Variants in BCL2L14 observed in about 807,000 individuals in gnomAD.
BCL2L14 encodes apoptosis facilitator Bcl-2-like protein 14.
A neutral mutation model predicts 35.3 loss-of-function variants in BCL2L14; 27 were observed. The ratio of observed to expected loss-of-function variants is 0.76; its 90% CI spans 0.56 to 1.05. The LOEUF is 1.05. BCL2L14 is among the 50% of genes least tolerant of loss of function. BCL2L14 has a pLI of 0.00. For synonymous variants in BCL2L14, 139 were observed against 145.9 expected, an observed-to-expected ratio of 0.95 and a Z score of 0.34; for missense variants, 377 against 382.6, an observed-to-expected ratio of 0.99 and a Z score of 0.12.
At chr12:12,085,554 G>A (rs780780060) in intron 2 of BCL2L14, among the ~76,000 whole-genome samples, 13 of 152,162 alleles carry the variant, frequency 8.5e-5, no homozygotes, top group Non-Finnish European at 1.3e-4. Context: ...TCTTCTCTCC[G>A]TCATTCGCTT....
chr12:12,055,502 C>T (rs983707630), intron 2 of BCL2L14: 3 of 152,148 alleles, frequency 2.0e-5, no homozygotes, highest in African/African-American at 7.2e-5. Flanking sequence ...TTTTGAGACC[C>T]GCCAACTTGC....
At chr12:12,065,210 C>A (rs937529059) in intron 2 of BCL2L14, among the ~76,000 whole-genome samples, 1 of 152,014 alleles carries the variant, frequency 6.6e-6, no homozygotes, top group Non-Finnish European at 1.5e-5. Context: ...TATAGAGCAC[C>A]TTTTAAAAAA....
chr12:12,066,726 T>A (rs938510355), upstream of BCL2L14, among the ~76,000 whole-genome samples: 120 of 151,862 alleles, frequency 7.9e-4, 1 homozygote, highest in African/African-American at 2.7e-3. Context: ...TTTTTTTTTT[T>A]TTTTTTTGAG....
chr12:12,073,122 C>T (rs1948703221), intron 1 of BCL2L14, among the ~76,000 whole-genome samples: 1 of 152,246 alleles, frequency 6.6e-6, no homozygotes, highest in South Asian at 2.1e-4. Context: ...CGATCCTGCT[C>T]CCTGGGCCTC....
intron 2 of BCL2L14, among the ~76,000 whole-genome samples, chr12:12,085,159 T>A (rs957963213): frequency 8.6e-5 from 13 of 151,678 alleles, no homozygotes; most frequent in Admixed American, 7.9e-4. Context: ...CTGTTGGTGA[T>A]CTTGTGGCCA....
rs59599134 is a variant in BCL2L14, at chr12:12,079,313, G to T, written c.8G>T (p.Ser3Ile). MCSTSGCDLEEIP... is the reference protein window; with the variant it reads MCITSGCDLEEIP... Reference sequence around the variant, plus strand: ...TGTTGTTACAGGCCCAACATGTGTAGCACCAGTGGGTGTGACCTGGAAGAA... The same window carrying T: ...TGTTGTTACAGGCCCAACATGTGTATCACCAGTGGGTGTGACCTGGAAGAA... Residue 3 changes from serine (S) to isoleucine (I), a missense_variant, in exon 2 of 6, where the codon AGC becomes ATC. Physicochemically the swap from Ser to Ile is moderately radical, Grantham distance 142 (BLOSUM62 -2). Coordinates refer to ENST00000308721, the MANE Select transcript of BCL2L14 (RefSeq NM_138723.2). 2.5e-6 allele frequency: 4 copies of T among 1,613,330 alleles called. No individual in the cohort carries two copies. Among genetic ancestry groups the T allele is most frequent in the Non-Finnish European group, 3.4e-6 (4 of 1,179,600 alleles).
intron 2 of BCL2L14, among the ~76,000 whole-genome samples, chr12:12,060,376 C>A (rs1948504969): frequency 1.1e-5 from 1 of 88,232 alleles, no homozygotes; most frequent in Non-Finnish European, 2.2e-5. Context: ...ACTTTACAGC[C>A]CTAGACCCTA....
At chr12:12,055,391 A>T (rs1029848043) in intron 2 of BCL2L14, 3 of 152,096 alleles carry the variant, frequency 2.0e-5, no homozygotes, top group African/African-American at 7.2e-5. Flanking sequence ...GTGCTGATCT[A>T]CTCTCCAGGA....
intron 2 of BCL2L14, among the ~76,000 whole-genome samples, chr12:12,061,925 G>A (rs543248329): frequency 1.1e-4 from 17 of 152,190 alleles, no homozygotes; most frequent in African/African-American, 3.6e-4. Context: ...TCCTAGGCAT[G>A]GTTAGTGCAG....
intron 2 of BCL2L14, among the ~76,000 whole-genome samples, chr12:12,063,690 C>T (rs1049127284): frequency 9.2e-5 from 14 of 152,122 alleles, no homozygotes; most frequent in Non-Finnish European, 1.5e-4. Context: ...AATGTCAGGC[C>T]TCTGAGCCCA....
intron 1 of BCL2L14, among the ~76,000 whole-genome samples, chr12:12,078,587 C>A (rs531005816): frequency 2.4e-4 from 37 of 152,316 alleles, no homozygotes; most frequent in Admixed American, 5.2e-4. Context: ...AGTTCTCTCA[C>A]CACTCTTCAA....
At chr12:12,090,896 C>G (rs750166697) in intron 4 of BCL2L14, 47 bp downstream of exon 4, 12 of 1,441,300 alleles carry the variant, frequency 8.3e-6, no homozygotes, top group Middle Eastern at 1.7e-4. Context: ...TGCCCATGCA[C>G]TAGTACACGA....
chr12:12,094,151 T>G (rs1949260193), intron 4 of BCL2L14, among the ~76,000 whole-genome samples: 1 of 151,196 alleles, frequency 6.6e-6, no homozygotes, highest in Non-Finnish European at 1.5e-5. Context: ...ATAGTATCAA[T>G]ACTATCACCA....
upstream of BCL2L14, among the ~76,000 whole-genome samples, chr12:12,069,359 G>C (rs529735143): frequency 6.6e-6 from 1 of 151,958 alleles, no homozygotes; most frequent in Admixed American, 6.6e-5. Flanking sequence ...GTTTATTCTT[G>C]AATTGTTTCC....
chr12:12,059,319 G>A (rs1430591369), intron 2 of BCL2L14, among the ~76,000 whole-genome samples: 1 of 150,916 alleles, frequency 6.6e-6, no homozygotes, highest in Non-Finnish European at 1.5e-5. Flanking sequence ...TGGGGTGCAA[G>A]AAACCCCCAA....
intron 1 of BCL2L14, among the ~76,000 whole-genome samples, chr12:12,073,105 G>A (rs1322964847): frequency 6.6e-6 from 1 of 152,108 alleles, no homozygotes; most frequent in African/African-American, 2.4e-5. Flanking sequence ...GAACTCCTGG[G>A]CTTAAGCGAT....
At chr12:12,067,478 G>T (rs1248545346), upstream of BCL2L14, among the ~76,000 whole-genome samples, 1 of 151,918 alleles carries the variant, frequency 6.6e-6, no homozygotes, top group East Asian at 2.0e-4. Context: ...TTGAACCCGG[G>T]AGGCAGAGGT....
intron 2 of BCL2L14, among the ~76,000 whole-genome samples, chr12:12,063,620 G>A (rs1354064733): frequency 3.3e-5 from 5 of 151,784 alleles, no homozygotes; most frequent in Non-Finnish European, 7.4e-5. Flanking sequence ...AAAAATTTTC[G>A]CTGTCCCAAC....
chr12:12,068,884 C>T (rs910214379), upstream of BCL2L14, among the ~76,000 whole-genome samples: 5 of 152,240 alleles, frequency 3.3e-5, no homozygotes, highest in African/African-American at 4.8e-5. Flanking sequence ...ATTGAGTATA[C>T]GGGTATTCCT....
Sources: gnomAD v4.1 joint callset for allele counts (sites outside exome capture counted in the v4.1 genomes callset) on GRCh38, gnomAD v4.1.1 for gene constraint, MANE v1.5 for transcripts, NCBI Gene and HGNC (gene_info 2026-07-23, HGNC 2026-07-21) for gene names.